The following NREP variants were observed in gnomAD, a reference collection of about 807,000 sequenced individuals.
NREP encodes neuronal regeneration related protein.
Under a neutral mutation model 8.6 loss-of-function variants are expected in NREP, and 5 were observed. The observed-to-expected ratio is 0.58, with a 90% CI of 0.30 to 1.22. The LOEUF is 1.22. Ranked by LOEUF, NREP falls within the 50% of genes most tolerant of loss-of-function variation. NREP has a pLI of 0.07. For missense variants in NREP, 86 were observed against 82.5 expected, an observed-to-expected ratio of 1.04 and a Z score of -0.17; for synonymous variants, 27 against 28.0, an observed-to-expected ratio of 0.96 and a Z score of 0.11.
In NREP at chr5:111,841,192, C is replaced by T. The variant is rs75135878; in HGVS notation, c.136-105685G>A. On this transcript the variant is annotated intron_variant, in intron 2 of 3. Coordinates refer to the NREP transcript ENST00000395634. The stretch of plus-strand genomic sequence containing the variant: ...TCTGGAGCACAATTCTGCTCAGACT[C>T]TCTGAAGAACTATATAAAACATGCC... Among the ~76,000 whole-genome samples, 75 of 152,256 alleles carry T rather than the reference C, an allele frequency of 4.9e-4. No individual in the cohort carries two copies. The East Asian group carries it at 7.7e-3, about 16-fold the overall frequency.
intron 2 of NREP, among the ~76,000 whole-genome samples, chr5:111,905,486 G>A (rs1444947387): frequency 6.6e-6 from 1 of 152,092 alleles, no homozygotes; most frequent in East Asian, 1.9e-4. Context: ...TAACATTCTT[G>A]TATAAATAGC....
intron 2 of NREP, among the ~76,000 whole-genome samples, chr5:111,916,882 G>T (rs980192640): frequency 6.6e-6 from 1 of 152,022 alleles, no homozygotes; most frequent in Non-Finnish European, 1.5e-5. Context: ...TCGACTGAGG[G>T]GCATGAGGCA....
At chr5:111,887,244 T>G (rs1754283428) in intron 2 of NREP, among the ~76,000 whole-genome samples, 1 of 152,162 alleles carries the variant, frequency 6.6e-6, no homozygotes, top group Non-Finnish European at 1.5e-5. Flanking sequence ...TTTTAAACCC[T>G]CCGGTACATT....
At chr5:111,851,376 C>T (rs1412313110) in intron 2 of NREP, among the ~76,000 whole-genome samples, 2 of 152,086 alleles carry the variant, frequency 1.3e-5, no homozygotes, top group Non-Finnish European at 2.9e-5. Context: ...TACATATGCC[C>T]CCACAAAAGG....
intron 2 of NREP, among the ~76,000 whole-genome samples, chr5:111,856,691 T>G (rs1160251806): frequency 6.6e-6 from 1 of 152,128 alleles, no homozygotes; most frequent in Admixed American, 6.6e-5. Flanking sequence ...CCAAGTTGAT[T>G]GTATTGGGGC....
chr5:111,823,953 A>C, intron 2 of NREP, among the ~76,000 whole-genome samples: 1 of 152,260 alleles, frequency 6.6e-6, no homozygotes, highest in East Asian at 1.9e-4. Context: ...ATCTAAGTAC[A>C]TAAATACATG....
At chr5:111,923,140 T>A (rs1561348322) in intron 2 of NREP, among the ~76,000 whole-genome samples, 1 of 152,162 alleles carries the variant, frequency 6.6e-6, no homozygotes, top group African/African-American at 2.4e-5. Context: ...GAAAGACATA[T>A]TTGGAGTTGG....
At position 111,914,608 on chromosome 5, in the gene NREP, C is replaced by T. The variant is rs2135945; in HGVS notation, c.135+60666G>A. Among the ~76,000 whole-genome samples, 290 of 152,216 alleles carry T rather than the reference C, an allele frequency of 1.9e-3. 2 individuals carry two copies. The highest frequency in any genetic ancestry group is 6.8e-3 in the African/African-American group (282 of 41,548). ...TGGACGTGTCAGGTTATAAATGACC[C>T]TGTCTCCTTTTTTCGTTGTACTCTC... On this transcript the variant is annotated intron_variant, in intron 2 of 3. Transcript: ENST00000395634.
upstream of NREP, chr5:111,757,744 G>C: frequency 1.0e-6 from 1 of 984,276 alleles, no homozygotes; most frequent in Non-Finnish European, 1.2e-6. Flanking sequence ...CGGGAGCACG[G>C]CGCGCGCAAA....
chr5:111,783,552 G>C (rs577030288), intron 2 of NREP, among the ~76,000 whole-genome samples: 2 of 152,286 alleles, frequency 1.3e-5, no homozygotes, highest in East Asian at 3.9e-4. Context: ...CAACATTTAA[G>C]CATGATATCA....
intron 2 of NREP, among the ~76,000 whole-genome samples, chr5:111,963,307 G>A (rs1214891790): frequency 1.3e-5 from 2 of 152,188 alleles, no homozygotes; most frequent in Non-Finnish European, 2.9e-5. Context: ...AAGTAAATGG[G>A]GCACCCCCAT....
At chr5:111,934,974 TAGTAG>T (rs1561354995) in intron 2 of NREP, among the ~76,000 whole-genome samples, 4 of 151,012 alleles carry the variant, frequency 2.6e-5, no homozygotes, top group Non-Finnish European at 5.9e-5. Flanking sequence ...ATCCGAAACA[TAGTAG>T]GGTGGGTGGG....
chr5:111,930,581 C>T (rs950334081), intron 2 of NREP, among the ~76,000 whole-genome samples: 4 of 152,132 alleles, frequency 2.6e-5, no homozygotes, highest in Non-Finnish European at 5.9e-5. Context: ...GAAATGATGT[C>T]GTCAGACCTA....
At chr5:111,875,550 C>A (rs537366685) in intron 2 of NREP, among the ~76,000 whole-genome samples, 3 of 152,250 alleles carry the variant, frequency 2.0e-5, no homozygotes, top group African/African-American at 7.2e-5. Flanking sequence ...TCTTAGACCA[C>A]CAGAAGTTTA....
chr5:111,783,546 A>ATTTAAGCATGATATCAACTG (rs1751542538), intron 2 of NREP, among the ~76,000 whole-genome samples: 1 of 152,200 alleles, frequency 6.6e-6, no homozygotes, highest in African/African-American at 2.4e-5. Context: ...GCCTTCCAAC[A>ATTTAAGCATGATATCAACTG]TTTAAGCATG....
chr5:111,750,634 C>A (rs1370297643), intron 2 of NREP, among the ~76,000 whole-genome samples: 1 of 152,200 alleles, frequency 6.6e-6, no homozygotes, highest in Non-Finnish European at 1.5e-5. Context: ...TACCATTTAG[C>A]ACTAGATTAT....
At chr5:111,766,393 GT>G (rs1751085338) in intron 2 of NREP, among the ~76,000 whole-genome samples, 2 of 152,160 alleles carry the variant, frequency 1.3e-5, no homozygotes, top group Admixed American at 6.5e-5. Context: ...CAAAACGTCA[GT>G]GCCTTAAAAC....
chr5:111,807,128 C>CAA (rs376335232), intron 2 of NREP, among the ~76,000 whole-genome samples: 29 of 147,830 alleles, frequency 2.0e-4, no homozygotes, highest in Non-Finnish European at 3.9e-4. Flanking sequence ...AACAAAAAAA[C>CAA]AAAAAAAAAA....
At chr5:111,780,634 T>A (rs537916751) in intron 2 of NREP, among the ~76,000 whole-genome samples, 1 of 152,170 alleles carries the variant, frequency 6.6e-6, no homozygotes, top group African/African-American at 2.4e-5. Flanking sequence ...GGATTTCAAA[T>A]CTTGTTTTGA....
Sources: allele counts gnomAD v4.1 joint callset (sites outside exome capture counted in the v4.1 genomes callset), GRCh38; gene constraint gnomAD v4.1.1; transcripts MANE v1.5; gene names NCBI Gene and HGNC (gene_info 2026-07-23, HGNC 2026-07-21).